The following CACNA2D3 variants were observed in gnomAD, a reference collection of about 807,000 sequenced individuals.
CACNA2D3 encodes voltage-dependent calcium channel subunit alpha-2/delta-3.
CACNA2D3 carries 60 observed loss-of-function variants against 160.6 expected under a neutral mutation model. The observed-to-expected ratio is 0.37, with a 90% CI of 0.30 to 0.46. The LOEUF is 0.46. CACNA2D3 is among the 20% of genes least tolerant of loss of function. The pLI is 1.00. For missense variants in CACNA2D3, 1,205 were observed against 1,365.0 expected (o/e 0.88, Z 1.85); for synonymous variants, 558 against 492.9 (o/e 1.13, Z -1.75).
chr3:54,736,801 A>G (rs1193861446), intron 11 of CACNA2D3, among the ~76,000 whole-genome samples: 1 of 152,160 alleles, frequency 6.6e-6, no homozygotes, highest in Non-Finnish European at 1.5e-5. Context: ...GGGGTCCCAC[A>G]TGCCTTGAAA....
chr3:54,761,705 C>T (rs1702083547), intron 12 of CACNA2D3, among the ~76,000 whole-genome samples: 1 of 152,152 alleles, frequency 6.6e-6, no homozygotes, highest in South Asian at 2.1e-4. Flanking sequence ...GGCCCTGTTT[C>T]CCCTGGGATG....
Position 54,847,901 on chromosome 3 carries a change from T to G in CACNA2D3, c.1626+1434T>G, listed in dbSNP as rs571209359. The stretch of plus-strand genomic sequence containing the variant: ...AGAGTTTGGACTCCTAGTGTGTATT[T>G]ATTCCAAATTGGAAAGGAACAGAGT... On this transcript the variant is annotated intron_variant, in intron 17 of 37. Transcript: ENST00000474759. Among the ~76,000 whole-genome samples, 397 of 152,354 alleles carry G rather than the reference T, an allele frequency of 2.6e-3. 2 individuals carry two copies. Among genetic ancestry groups the G allele is most frequent in the Non-Finnish European group, 4.5e-3 (308 of 68,034 alleles).
At chr3:54,978,424 G>A (rs1404588644) in intron 29 of CACNA2D3, among the ~76,000 whole-genome samples, 2 of 152,194 alleles carry the variant, frequency 1.3e-5, no homozygotes, top group African/African-American at 4.8e-5. Context: ...TGCATTCAGG[G>A]TAGATAGAGA....
chr3:54,335,319 A>G (rs1459138407), intron 3 of CACNA2D3, among the ~76,000 whole-genome samples: 1 of 152,216 alleles, frequency 6.6e-6, no homozygotes, highest in Non-Finnish European at 1.5e-5. Context: ...AAAGGAATAA[A>G]GAATGGCTAC....
chr3:54,741,537 G>T (rs1701649572), intron 11 of CACNA2D3, among the ~76,000 whole-genome samples: 1 of 151,516 alleles, frequency 6.6e-6, no homozygotes, highest in Admixed American at 6.6e-5. Context: ...GAGCTCAAGA[G>T]TTCAAGACCA....
intron 4 of CACNA2D3, among the ~76,000 whole-genome samples, chr3:54,428,523 A>G (rs1166457990): frequency 6.6e-6 from 1 of 152,194 alleles, no homozygotes; most frequent in East Asian, 1.9e-4. Flanking sequence ...TGGATGTTAA[A>G]AAAAGTCTTT....
intron 12 of CACNA2D3, among the ~76,000 whole-genome samples, chr3:54,758,697 A>G (rs1175798240): frequency 6.6e-6 from 1 of 152,102 alleles, no homozygotes; most frequent in Non-Finnish European, 1.5e-5. Flanking sequence ...CCACAGCATC[A>G]CCTTCACTGC....
chr3:54,257,851 G>C (rs1702329421), intron 2 of CACNA2D3, among the ~76,000 whole-genome samples: 1 of 152,162 alleles, frequency 6.6e-6, no homozygotes, highest in Admixed American at 6.5e-5. Flanking sequence ...GAGAAATAAT[G>C]AGGGAAATCC....
At chr3:54,658,030 AAAAAG>A (rs1204192508) in intron 11 of CACNA2D3, among the ~76,000 whole-genome samples, 1 of 152,248 alleles carries the variant, frequency 6.6e-6, no homozygotes, top group Non-Finnish European at 1.5e-5. Context: ...TCAAAAAAGA[AAAAAG>A]AAATTATATT....
intron 35 of CACNA2D3, among the ~76,000 whole-genome samples, chr3:55,028,679 T>C (rs1703616000): frequency 6.6e-6 from 1 of 152,244 alleles, no homozygotes; most frequent in South Asian, 2.1e-4. Flanking sequence ...AATAAAACTT[T>C]AAACACATGT....
chr3:54,840,711 G>A lies in CACNA2D3; in HGVS notation c.1551+2063G>A, dbSNP rs1399565525. Among the ~76,000 whole-genome samples the A allele has an allele frequency of 1.4e-4, 19 of 131,846 alleles. No individual in the cohort carries two copies. The Admixed American group carries it at 1.5e-3, about 11-fold the overall frequency. 86.5% of individuals were successfully genotyped at this position (131,846 alleles called of 152,430 possible). ...GGCGTGAGCCACTGCACCCTGCCAA[G>A]AGCCATGATTTTTTTTTTTTTTTTT... is the stretch of plus-strand genomic sequence containing the variant. On this transcript the variant is annotated intron_variant, in intron 16 of 37. Transcript: ENST00000474759.
chr3:54,213,955 G>T (rs1458345182), intron 2 of CACNA2D3, among the ~76,000 whole-genome samples: 1 of 152,192 alleles, frequency 6.6e-6, no homozygotes, highest in Non-Finnish European at 1.5e-5. Context: ...TCAGTTGAGT[G>T]GTTGGTCCAC....
intron 27 of CACNA2D3, among the ~76,000 whole-genome samples, chr3:54,926,480 C>G (rs1348240677): frequency 6.8e-6 from 1 of 146,922 alleles, no homozygotes; most frequent in Non-Finnish European, 1.5e-5. Flanking sequence ...GAGTTCTTAT[C>G]TACTGTGCTC....
intron 35 of CACNA2D3, among the ~76,000 whole-genome samples, chr3:55,069,529 T>C (rs1353959189): frequency 6.6e-6 from 1 of 152,192 alleles, no homozygotes; most frequent in African/African-American, 2.4e-5. Context: ...TTCACAAATA[T>C]TTTTCGTTGG....
chr3:55,011,874 C>T (rs567624091), intron 34 of CACNA2D3, among the ~76,000 whole-genome samples: 2 of 152,208 alleles, frequency 1.3e-5, no homozygotes, highest in African/African-American at 2.4e-5. Context: ...TTTTACCATT[C>T]GCTTTTCTTA....
chr3:54,988,472 G>C (rs1157802556), intron 31 of CACNA2D3, among the ~76,000 whole-genome samples: 1 of 152,202 alleles, frequency 6.6e-6, no homozygotes, highest in Non-Finnish European at 1.5e-5. Flanking sequence ...CTCCCTGGGG[G>C]TCCATGCTGT....
intron 17 of CACNA2D3, among the ~76,000 whole-genome samples, chr3:54,863,190 T>G (rs1699328981): frequency 6.6e-6 from 1 of 152,224 alleles, no homozygotes; most frequent in Non-Finnish European, 1.5e-5. Context: ...CTGAAATTTA[T>G]TTCGAGGCTG....
intron 2 of CACNA2D3, among the ~76,000 whole-genome samples, chr3:54,300,750 A>G (rs1703457797): frequency 6.6e-6 from 1 of 152,102 alleles, no homozygotes; most frequent in Non-Finnish European, 1.5e-5. Context: ...TGTGGTGGCT[A>G]ACATCTGTAA....
intron 4 of CACNA2D3, among the ~76,000 whole-genome samples, chr3:54,460,317 T>C (rs1700477817): frequency 1.3e-5 from 2 of 152,146 alleles, no homozygotes; most frequent in African/African-American, 2.4e-5. Context: ...TGAAGAAAGT[T>C]ATTGGTAGCT....
Sources: allele counts gnomAD v4.1 joint callset (sites outside exome capture counted in the v4.1 genomes callset), GRCh38; gene constraint gnomAD v4.1.1; transcripts MANE v1.5; gene names NCBI Gene and HGNC (gene_info 2026-07-23, HGNC 2026-07-21).